The following MAGI2 variants were observed in gnomAD, a reference collection of about 807,000 sequenced individuals.
MAGI2 encodes membrane associated guanylate kinase, WW and PDZ domain containing 2.
MAGI2 carries 35 observed loss-of-function variants against 133.3 expected under a neutral mutation model. That is an observed-to-expected ratio of 0.26 (90% CI 0.20 to 0.35). The LOEUF (loss-of-function observed/expected upper bound fraction) is 0.35, where lower values mean the gene tolerates loss of function less well. Ranked by LOEUF, MAGI2 falls within the 10% of genes least tolerant of loss-of-function variation. The pLI is 1.00. For synonymous variants in MAGI2, 729 were observed against 710.6 expected, an observed-to-expected ratio of 1.03 and a Z score of -0.41; for missense variants, 1,636 against 1,863.4, an observed-to-expected ratio of 0.88 and a Z score of 2.25.
intron 9 of MAGI2, among the ~76,000 whole-genome samples, chr7:78,295,198 G>T (rs1797107888): frequency 6.6e-6 from 1 of 152,126 alleles, no homozygotes; most frequent in South Asian, 2.1e-4. Flanking sequence ...TGGTATCCAT[G>T]CTGCTGGCTT....
At chr7:79,090,709 C>T (rs201759810) in intron 1 of MAGI2, among the ~76,000 whole-genome samples, 27 of 152,174 alleles carry the variant, frequency 1.8e-4, no homozygotes, top group Non-Finnish European at 2.6e-4. Flanking sequence ...GATGACAATG[C>T]CATAATTGTG....
chr7:78,274,126 G>C (rs978936148), intron 9 of MAGI2, among the ~76,000 whole-genome samples: 1 of 152,156 alleles, frequency 6.6e-6, no homozygotes, highest in Non-Finnish European at 1.5e-5. Flanking sequence ...TTTCTGAGTG[G>C]ATGTGCTTTT....
At chr7:78,595,140 C>T (rs973639413) in intron 3 of MAGI2, among the ~76,000 whole-genome samples, 4 of 146,236 alleles carry the variant, frequency 2.7e-5, no homozygotes, top group East Asian at 3.9e-4. Flanking sequence ...ATAAGCAGCC[C>T]GACCCTCAGT....
chr7:78,521,717 A>G (rs768957065), intron 3 of MAGI2, 72 bp from the exon 4 acceptor site: 17 of 1,256,522 alleles, frequency 1.4e-5, no homozygotes, highest in Admixed American at 3.6e-5. Context: ...TGAAGAATGG[A>G]AATTATATTA....
chr7:79,253,590 C>T (rs1833482238), intron 1 of MAGI2, among the ~76,000 whole-genome samples: 1 of 151,920 alleles, frequency 6.6e-6, no homozygotes. Context: ...TTTCAGTGAG[C>T]CAAGAGCATG....
chr7:79,301,938 G>T (rs759955649), intron 1 of MAGI2, among the ~76,000 whole-genome samples: 1 of 152,110 alleles, frequency 6.6e-6, no homozygotes, highest in Non-Finnish European at 1.5e-5. Flanking sequence ...TCTCTCTCTT[G>T]CTCCTGCTTT....
chr7:79,072,139 TC>T (rs999797595), intron 1 of MAGI2, among the ~76,000 whole-genome samples: 14 of 152,044 alleles, frequency 9.2e-5, no homozygotes, highest in African/African-American at 3.4e-4. Flanking sequence ...CCAACCAGTC[TC>T]AATGAAATGA....
intron 5 of MAGI2, among the ~76,000 whole-genome samples, chr7:78,491,705 T>C (rs1369215811): frequency 2.6e-5 from 4 of 152,070 alleles, no homozygotes; most frequent in Non-Finnish European, 5.9e-5. Context: ...CGTTTGCATG[T>C]CAATATAAGC....
chr7:79,017,418 A>T (rs1808849401), intron 1 of MAGI2, among the ~76,000 whole-genome samples: 1 of 152,212 alleles, frequency 6.6e-6, no homozygotes. Context: ...CAAATAGGAT[A>T]GAAGAAAAAG....
chr7:78,670,583 T>G (rs1424134045), intron 2 of MAGI2, among the ~76,000 whole-genome samples: 1 of 152,146 alleles, frequency 6.6e-6, no homozygotes. Context: ...TTAAAGTTCA[T>G]ATGGAACCAA....
At chr7:78,204,592 C>G (rs1241150747) in intron 10 of MAGI2, among the ~76,000 whole-genome samples, 1 of 152,086 alleles carries the variant, frequency 6.6e-6, no homozygotes, top group Non-Finnish European at 1.5e-5. Context: ...TATTAGAATT[C>G]TCTGGTGGGA....
chr7:78,243,269 ACTCTCTCTCT>A (rs60322546), intron 10 of MAGI2, among the ~76,000 whole-genome samples: 204 of 62,850 alleles, frequency 3.2e-3, no homozygotes, highest in African/African-American at 0.011. Context: ...ACACACACAC[ACTCTCTCTCT>A]CTCTCTCTTA....
At chr7:78,404,409 C>A (rs1033892306) in intron 6 of MAGI2, among the ~76,000 whole-genome samples, 1 of 152,138 alleles carries the variant, frequency 6.6e-6, no homozygotes, top group African/African-American at 2.4e-5. Context: ...TGCTACCTGA[C>A]TTCAAACTAT....
At chr7:78,855,736 G>C (rs1793577133) in intron 2 of MAGI2, among the ~76,000 whole-genome samples, 1 of 152,196 alleles carries the variant, frequency 6.6e-6, no homozygotes. Flanking sequence ...TGTAGTTATA[G>C]CAGCAGGATT....
chr7:78,810,636 G>A (rs1367593789), intron 2 of MAGI2, among the ~76,000 whole-genome samples: 2 of 152,024 alleles, frequency 1.3e-5, no homozygotes, highest in Non-Finnish European at 2.9e-5. Flanking sequence ...ACTAGAATGG[G>A]AAAATTGGAC....
chr7:78,718,296 A>G (rs1043858203), intron 2 of MAGI2, among the ~76,000 whole-genome samples: 1 of 152,188 alleles, frequency 6.6e-6, no homozygotes, highest in African/African-American at 2.4e-5. Context: ...GTAGGAGCAC[A>G]TACCGTCCAT....
chr7:78,441,014 A>T (rs1787568119), intron 6 of MAGI2, among the ~76,000 whole-genome samples: 1 of 152,182 alleles, frequency 6.6e-6, no homozygotes, highest in Non-Finnish European at 1.5e-5. Flanking sequence ...AGGCAGCTGG[A>T]TACATGGATG....
At chr7:79,271,285 A>G (rs1834855791) in intron 1 of MAGI2, among the ~76,000 whole-genome samples, 1 of 152,064 alleles carries the variant, frequency 6.6e-6, no homozygotes, top group African/African-American at 2.4e-5. Context: ...ATCTCCCCTC[A>G]TGGACTGTCA....
At chr7:79,363,267 A>G (rs1050509130) in intron 1 of MAGI2, among the ~76,000 whole-genome samples, 1 of 150,452 alleles carries the variant, frequency 6.6e-6, no homozygotes, top group Non-Finnish European at 1.5e-5. Context: ...AATGCTGATC[A>G]AATAAATACA....
Sources: allele counts gnomAD v4.1 joint callset (sites outside exome capture counted in the v4.1 genomes callset), GRCh38; gene constraint gnomAD v4.1.1; transcripts MANE v1.5; gene names NCBI Gene and HGNC (gene_info 2026-07-23, HGNC 2026-07-21).